RAB28: variants seen among roughly 807,000 people sequenced by gnomAD.
RAB28 encodes ras-related protein Rab-28.
In RAB28, 24 loss-of-function variants were observed where a neutral mutation model predicts 31.7. That is an observed-to-expected ratio of 0.76 (90% CI 0.55 to 1.06). RAB28 has a LOEUF of 1.06. Among genes scored for constraint, RAB28 ranks in the 50% least tolerant of loss-of-function variants. RAB28 has a pLI of 0.00. For synonymous variants in RAB28, 100 were observed against 90.4 expected (o/e 1.11, Z -0.60); for missense variants, 254 against 258.5 (o/e 0.98, Z 0.12).
intron 4 of RAB28, among the ~76,000 whole-genome samples, chr4:13,423,365 G>A (rs148879108): frequency 0.056 from 8,502 of 151,840 alleles, 547 homozygotes; most frequent in African/African-American, 0.16. Context: ...GTGAAACCCC[G>A]TCTCTACTAA....
intron 4 of RAB28, among the ~76,000 whole-genome samples, chr4:13,451,238 A>T (rs1487126210): frequency 1.3e-5 from 2 of 151,848 alleles, no homozygotes; most frequent in Admixed American, 1.3e-4. Context: ...CTGGGCTGAG[A>T]TGATACCTCA....
At chr4:13,431,764 C>T (rs900564515) in intron 4 of RAB28, among the ~76,000 whole-genome samples, 1 of 151,792 alleles carries the variant, frequency 6.6e-6, no homozygotes, top group Non-Finnish European at 1.5e-5. Flanking sequence ...ACAGTAATAC[C>T]CTCAAGGAAA....
At chr4:13,431,000 C>T (rs1023120560) in intron 4 of RAB28, among the ~76,000 whole-genome samples, 2 of 152,192 alleles carry the variant, frequency 1.3e-5, no homozygotes, top group Non-Finnish European at 2.9e-5. Flanking sequence ...CAGCAGTGTT[C>T]TTCCTGCCAC....
chr4:13,370,940 A>G (rs1728690408), intron 6 of RAB28: 1 of 975,320 alleles, frequency 1.0e-6, no homozygotes. Context: ...TATGACACAG[A>G]TAACATGTTA....
At chr4:13,478,563 G>A (rs1365115174) in intron 2 of RAB28, among the ~76,000 whole-genome samples, 1 of 151,574 alleles carries the variant, frequency 6.6e-6, no homozygotes, top group African/African-American at 2.4e-5. Flanking sequence ...CCTTCCCACT[G>A]TATCACTCAC....
At position 13,477,910 on chromosome 4, in the gene RAB28, C is replaced by T. The variant is rs141044314; in HGVS notation, c.172+1520G>A. On this transcript the variant is annotated intron_variant, in intron 2 of 6. Transcript: ENST00000330852. ...CTGTATAAAATGTCTGAAAACCAGT[C>T]TTTGTTTTTAATATTTGAGTAGGTA... Among the ~76,000 whole-genome samples, 629 of 151,570 alleles carry T rather than the reference C, an allele frequency of 4.1e-3. 1 individual carries two copies. The highest frequency in any genetic ancestry group is 0.014 in the Middle Eastern group (4 of 294).
chr4:13,368,970 T>C (rs940157938), intron 6 of RAB28, among the ~76,000 whole-genome samples: 11 of 152,076 alleles, frequency 7.2e-5, no homozygotes, highest in South Asian at 2.1e-4. Context: ...GCAAAATAAA[T>C]AAATCATTCA....
chr4:13,418,153 G>A (rs1712908262), intron 4 of RAB28, among the ~76,000 whole-genome samples: 1 of 152,180 alleles, frequency 6.6e-6, no homozygotes, highest in Admixed American at 6.5e-5. Context: ...AAGGGTATCA[G>A]CGATTGAAGA....
intron 4 of RAB28, among the ~76,000 whole-genome samples, chr4:13,414,718 T>C (rs1712646709): frequency 6.6e-6 from 1 of 152,230 alleles, no homozygotes; most frequent in Non-Finnish European, 1.5e-5. Flanking sequence ...TCTAGCAGTA[T>C]ATAAAAGAAA....
chr4:13,468,061 A>G (rs541044235), intron 3 of RAB28, among the ~76,000 whole-genome samples: 32 of 152,104 alleles, frequency 2.1e-4, no homozygotes, highest in South Asian at 1.4e-3. Context: ...CCAAGAAGAC[A>G]TAACAATCCT....
chr4:13,402,025 G>A (rs10023765), intron 4 of RAB28, among the ~76,000 whole-genome samples: 2 of 152,134 alleles, frequency 1.3e-5, no homozygotes, highest in Non-Finnish European at 2.9e-5. Flanking sequence ...TGTTTAGGAG[G>A]TGTTCAAATT....
chr4:13,428,684 C>A (rs528658748), intron 4 of RAB28, among the ~76,000 whole-genome samples: 32 of 152,078 alleles, frequency 2.1e-4, no homozygotes, highest in African/African-American at 7.0e-4. Context: ...TGGGAGAGCA[C>A]CAAGTATTCC....
At chr4:13,451,020 GT>G (rs1714942291) in intron 4 of RAB28, among the ~76,000 whole-genome samples, 1 of 151,832 alleles carries the variant, frequency 6.6e-6, no homozygotes, top group Admixed American at 6.6e-5. Context: ...CAACCAAAGA[GT>G]TTTAAGCAGA....
In RAB28 at chr4:13,484,142, G is replaced by A; in HGVS notation, c.9C>T (p.Asp3=). 1.3e-6 allele frequency: 2 copies of A among 1,588,292 alleles called. No individual in the cohort carries two copies. The highest frequency in any genetic ancestry group is 1.7e-6 in the Non-Finnish European group (2 of 1,166,920). The change falls in exon 1 of 7, where the codon GAC becomes GAT. Residue 3 remains aspartate, a synonymous_variant. Transcript: ENST00000330852. The part of the protein sequence containing the change: MS[D]SEEESQDRQL... Reference sequence around the variant, plus strand: ...GCCGGTCCTGGCTCTCCTCCTCAGAGTCCGACATGGTGTCCCGGGAACCAG... The same window carrying A: ...GCCGGTCCTGGCTCTCCTCCTCAGAATCCGACATGGTGTCCCGGGAACCAG...
At position 13,367,761 on chromosome 4, in the gene RAB28, G is replaced by A; in HGVS notation, c.*797C>T. 3.0e-6 allele frequency: 3 copies of A among 984,934 alleles called. No individual in the cohort carries two copies. The highest frequency in any genetic ancestry group is 3.6e-6 in the Non-Finnish European group (3 of 829,564). 61.0% of individuals were successfully genotyped at this position (984,934 alleles called of 1,614,324 possible). A position where few individuals can be genotyped will look rare whatever the true frequency, so the allele number is the denominator to read the frequency against. ...GTTTATTTGTGAAAGAAAAACATCT[G>A]AACATCAGGTACAGTCTGATCCACA... is the stretch of plus-strand genomic sequence containing the variant. On this transcript the variant is annotated 3_prime_UTR_variant, in exon 7 of 7. Transcript: ENST00000330852.
At chr4:13,458,941 G>A (rs909710253) in intron 4 of RAB28, among the ~76,000 whole-genome samples, 3 of 152,190 alleles carry the variant, frequency 2.0e-5, no homozygotes, top group African/African-American at 7.2e-5. Context: ...TCCTGCATGT[G>A]TCAGTGAGGG....
At chr4:13,469,475 A>C (rs1463940252) in intron 3 of RAB28, among the ~76,000 whole-genome samples, 1 of 151,948 alleles carries the variant, frequency 6.6e-6, no homozygotes, top group Non-Finnish European at 1.5e-5. Context: ...CCTCTTCAAC[A>C]ATAGTTTCCT....
chr4:13,406,848 GT>G (rs907576929), intron 4 of RAB28, among the ~76,000 whole-genome samples: 3 of 151,938 alleles, frequency 2.0e-5, no homozygotes, highest in African/African-American at 7.3e-5. Flanking sequence ...TGATGGGGTT[GT>G]TTTTTTCTTG....
chr4:13,410,418 G>A lies in RAB28; in HGVS notation c.392-28824C>T, dbSNP rs541387526. On this transcript the variant is annotated intron_variant, in intron 4 of 6. Coordinates refer to ENST00000330852, the MANE Select transcript of RAB28 (RefSeq NM_001017979.3). ...CCATTAGAAGCCTGATTGCCGGTATGTTACCAATACTCTACACTCAGGGTG... is the reference window on the plus strand; with the variant it reads ...CCATTAGAAGCCTGATTGCCGGTATATTACCAATACTCTACACTCAGGGTG... Among the ~76,000 whole-genome samples, 177 of 152,020 alleles carry A rather than the reference G, an allele frequency of 1.2e-3. 1 individual carries two copies. The highest frequency in any genetic ancestry group is 2.0e-3 in the Non-Finnish European group (137 of 68,022).
Sources: gnomAD v4.1 joint callset for allele counts (sites outside exome capture counted in the v4.1 genomes callset) on GRCh38, gnomAD v4.1.1 for gene constraint, MANE v1.5 for transcripts, NCBI Gene and HGNC (gene_info 2026-07-23, HGNC 2026-07-21) for gene names.